XNDC1N: variants seen among roughly 807,000 people sequenced by gnomAD.
XNDC1N encodes the protein XRCC1 N-terminal domain containing 1, N-terminal like, also known as protein XNDC1N.
At chr11:71,917,589 A>G in the XNDC1N span, 4 of 703,206 alleles carry the variant, frequency 5.7e-6, no homozygotes, top group Admixed American at 2.0e-5. Flanking sequence ...CATAAAGACC[A>G]CCCCCATCTT....
the XNDC1N span, chr11:71,925,890 A>T: frequency 5.7e-4 from 87 of 152,222 alleles, no homozygotes; most frequent in African/African-American, 1.9e-3. Context: ...AAAAAAAATA[A>T]AAATAAATAA....
chr11:71,908,016 A>C, the XNDC1N span, among the ~76,000 whole-genome samples: 1 of 152,178 alleles, frequency 6.6e-6, no homozygotes, highest in Non-Finnish European at 1.5e-5. Context: ...ATTCGGATCA[A>C]TGTCACTGGC....
At chr11:71,893,626 TC>T in the XNDC1N span, 5 of 1,095,314 alleles carry the variant, frequency 4.6e-6, no homozygotes, top group Non-Finnish European at 5.5e-6. Context: ...CAGCTCTGAC[TC>T]CCCCCTCCAC....
the XNDC1N span, among the ~76,000 whole-genome samples, chr11:71,892,535 A>G: frequency 2.6e-5 from 4 of 152,120 alleles, no homozygotes; most frequent in African/African-American, 4.8e-5. Context: ...CACAGGGTGT[A>G]CGCCCACTCT....
the XNDC1N span, among the ~76,000 whole-genome samples, chr11:71,895,741 T>C: frequency 6.6e-6 from 1 of 152,254 alleles, no homozygotes; most frequent in Non-Finnish European, 1.5e-5. Flanking sequence ...AAGAATAAAA[T>C]GGGCACAGTA....
chr11:71,896,282 C>A, the XNDC1N span, among the ~76,000 whole-genome samples: 3 of 152,054 alleles, frequency 2.0e-5, no homozygotes, highest in Non-Finnish European at 4.4e-5. Context: ...CCATCACACA[C>A]CTGCACACAA....
the XNDC1N span, among the ~76,000 whole-genome samples, chr11:71,910,851 G>T: frequency 6.6e-6 from 1 of 152,162 alleles, no homozygotes. Flanking sequence ...CTTTCTATGA[G>T]GTCACCAAGG....
the XNDC1N span, among the ~76,000 whole-genome samples, chr11:71,882,096 A>G: frequency 1.3e-5 from 2 of 152,162 alleles, no homozygotes; most frequent in Non-Finnish European, 2.9e-5. Flanking sequence ...AGAAAATCTT[A>G]AAAGAAGCCA....
At chr11:71,871,925 G>A in the XNDC1N span, among the ~76,000 whole-genome samples, 2 of 152,128 alleles carry the variant, frequency 1.3e-5, no homozygotes, top group African/African-American at 4.8e-5. Flanking sequence ...ATATAAAATA[G>A]TATCACCGCT....
chr11:71,870,138 T>C, the XNDC1N span, among the ~76,000 whole-genome samples: 1 of 152,196 alleles, frequency 6.6e-6, no homozygotes, highest in Non-Finnish European at 1.5e-5. Flanking sequence ...AAGCACCCCA[T>C]GATTAAGTTA....
At chr11:71,866,399 T>C in the XNDC1N span, among the ~76,000 whole-genome samples, 1 of 152,188 alleles carries the variant, frequency 6.6e-6, no homozygotes, top group Non-Finnish European at 1.5e-5. Flanking sequence ...TACAATGATA[T>C]GATTCTGTGC....
chr11:71,897,986 C>T, the XNDC1N span, among the ~76,000 whole-genome samples: 1 of 152,134 alleles, frequency 6.6e-6, no homozygotes, highest in Non-Finnish European at 1.5e-5. Flanking sequence ...AATTCAAGAC[C>T]AGCCTGGCCA....
the XNDC1N span, chr11:71,916,758 C>T: frequency 6.3e-6 from 1 of 158,046 alleles, no homozygotes; most frequent in Non-Finnish European, 1.4e-5. Context: ...ATCATATGCC[C>T]CTCCAATGTC....
chr11:71,911,041 C>T, the XNDC1N span, among the ~76,000 whole-genome samples: 3 of 152,232 alleles, frequency 2.0e-5, no homozygotes, highest in African/African-American at 7.2e-5. Context: ...ACTGTGGGGC[C>T]CAGGCCGAGG....
chr11:71,884,597 A>G, the XNDC1N span: 2 of 1,568,610 alleles, frequency 1.3e-6, no homozygotes, highest in Non-Finnish European at 1.7e-6. Context: ...CTCCAGGAGA[A>G]AAAACATGTC....
the XNDC1N span, among the ~76,000 whole-genome samples, chr11:71,896,390 C>T: frequency 6.6e-6 from 1 of 152,104 alleles, no homozygotes; most frequent in African/African-American, 2.4e-5. Flanking sequence ...TAATTGAGTC[C>T]CAAAATACAG....
chr11:71,926,658 T>G, the XNDC1N span, among the ~76,000 whole-genome samples: 1 of 152,164 alleles, frequency 6.6e-6, no homozygotes, highest in African/African-American at 2.4e-5. Context: ...CCCAGCATTT[T>G]GGGAGGTTGA....
the XNDC1N span, among the ~76,000 whole-genome samples, chr11:71,889,377 G>A: frequency 1.3e-5 from 2 of 152,214 alleles, no homozygotes; most frequent in Admixed American, 6.5e-5. Context: ...GAATTCCCGC[G>A]CTGACTCAGA....
At chr11:71,914,242 C>A in the XNDC1N span, 2 of 454,260 alleles carry the variant, frequency 4.4e-6, no homozygotes, top group African/African-American at 4.0e-5. Context: ...AAATAATTTA[C>A]CATCTTGGAT....
Sources: gnomAD v4.1 joint callset for allele counts (sites outside exome capture counted in the v4.1 genomes callset) on GRCh38, gnomAD v4.1.1 for gene constraint, MANE v1.5 for transcripts, NCBI Gene and HGNC (gene_info 2026-07-23, HGNC 2026-07-21) for gene names.